The following CADM2 variants were observed in gnomAD, a reference collection of about 807,000 sequenced individuals.
The protein encoded by CADM2 is immunoglobulin superfamily member 4D.
In CADM2, 12 loss-of-function variants were observed where a neutral mutation model predicts 49.8. That is an observed-to-expected ratio of 0.24 (90% CI 0.15 to 0.39). CADM2 has a LOEUF of 0.39. Ranked by LOEUF, CADM2 falls within the 10% of genes least tolerant of loss-of-function variation. The probability of loss-of-function intolerance (pLI) is 1.00; values close to 1 mark genes in which losing one functional copy is unlikely to be tolerated. For missense variants in CADM2, 378 were observed against 492.3 expected (o/e 0.77, Z 2.20); for synonymous variants, 214 against 175.4 (o/e 1.22, Z -1.74).
chr3:85,536,119 A>C (rs1229031355), intron 1 of CADM2, among the ~76,000 whole-genome samples: 1 of 152,052 alleles, frequency 6.6e-6, no homozygotes, highest in African/African-American at 2.4e-5. Context: ...ATGGAAAGGA[A>C]ATAAAGTCAT....
intron 1 of CADM2, among the ~76,000 whole-genome samples, chr3:85,396,257 T>A (rs1340666979): frequency 6.6e-6 from 1 of 151,708 alleles, no homozygotes; most frequent in African/African-American, 2.4e-5. Flanking sequence ...GTGATCTTAG[T>A]TTTTTTCTTG....
At chr3:86,033,742 C>T (rs1734826930) in intron 8 of CADM2, among the ~76,000 whole-genome samples, 1 of 141,960 alleles carries the variant, frequency 7.0e-6, no homozygotes, top group Non-Finnish European at 1.5e-5. Flanking sequence ...GGATCAGAAG[C>T]CCATAAAGAA....
At chr3:85,821,674 G>T (rs1422432563) in intron 3 of CADM2, among the ~76,000 whole-genome samples, 1 of 152,086 alleles carries the variant, frequency 6.6e-6, no homozygotes, top group Non-Finnish European at 1.5e-5. Flanking sequence ...TAGGTGTGGA[G>T]CTGCAATGGT....
intron 8 of CADM2, among the ~76,000 whole-genome samples, chr3:85,970,711 G>A (rs1438106044): frequency 2.0e-5 from 3 of 151,472 alleles, no homozygotes; most frequent in Admixed American, 1.3e-4. Flanking sequence ...TAAAATTAGT[G>A]CCGTGTGCAT....
At chr3:84,993,753 G>C (rs1166350296) in intron 1 of CADM2, among the ~76,000 whole-genome samples, 1 of 152,118 alleles carries the variant, frequency 6.6e-6, no homozygotes, top group African/African-American at 2.4e-5. Flanking sequence ...ATGCTCAGTA[G>C]CCTTAGGGTG....
intron 1 of CADM2, among the ~76,000 whole-genome samples, chr3:85,396,375 G>T (rs971254405): frequency 6.6e-6 from 1 of 151,904 alleles, no homozygotes; most frequent in African/African-American, 2.4e-5. Flanking sequence ...ATGATAAAAT[G>T]ATCATCAACT....
intron 1 of CADM2, among the ~76,000 whole-genome samples, chr3:85,361,475 A>G (rs1314525933): frequency 6.6e-6 from 1 of 152,198 alleles, no homozygotes; most frequent in Non-Finnish European, 1.5e-5. Context: ...TAAATGAGTT[A>G]TCTGATCCAT....
chr3:85,057,480 CATCAT>C (rs2036126962), intron 1 of CADM2, among the ~76,000 whole-genome samples: 1 of 151,976 alleles, frequency 6.6e-6, no homozygotes, highest in Admixed American at 6.6e-5. Context: ...AGTATACTAA[CATCAT>C]ATACTAACTT....
intron 1 of CADM2, among the ~76,000 whole-genome samples, chr3:85,054,153 G>T (rs2035987467): frequency 6.6e-6 from 1 of 151,742 alleles, no homozygotes; most frequent in African/African-American, 2.4e-5. Context: ...AGAGTGCAAG[G>T]ACTTAAAACA....
intron 1 of CADM2, among the ~76,000 whole-genome samples, chr3:85,712,333 T>G (rs911673418): frequency 2.0e-5 from 3 of 152,156 alleles, no homozygotes; most frequent in African/African-American, 7.2e-5. Context: ...TACAGAGTGG[T>G]TTGTTTAGTA....
chr3:85,685,339 G>T (rs141389674), intron 1 of CADM2, among the ~76,000 whole-genome samples: 1 of 152,092 alleles, frequency 6.6e-6, no homozygotes, highest in Admixed American at 6.5e-5. Flanking sequence ...GGATGTAAAA[G>T]CTGTAAATAC....
At chr3:85,889,246 G>T (rs1714097845) in intron 5 of CADM2, among the ~76,000 whole-genome samples, 1 of 152,030 alleles carries the variant, frequency 6.6e-6, no homozygotes, top group Admixed American at 6.6e-5. Context: ...CCATGTTTCT[G>T]GGTAAAAGTC....
At chr3:85,123,816 T>C (rs1342489591) in intron 1 of CADM2, among the ~76,000 whole-genome samples, 1 of 152,204 alleles carries the variant, frequency 6.6e-6, no homozygotes, top group Non-Finnish European at 1.5e-5. Flanking sequence ...TGATTATTTG[T>C]TTGGACATTA....
At chr3:85,269,028 G>T (rs1456702844) in intron 1 of CADM2, among the ~76,000 whole-genome samples, 1 of 151,236 alleles carries the variant, frequency 6.6e-6, no homozygotes, top group African/African-American at 2.4e-5. Flanking sequence ...AAAATCTAGT[G>T]CAGGACCTCA....
intron 1 of CADM2, among the ~76,000 whole-genome samples, chr3:85,047,002 G>A (rs775443777): frequency 4.6e-5 from 7 of 151,902 alleles, no homozygotes; most frequent in Non-Finnish European, 7.4e-5. Flanking sequence ...GACATAAAAG[G>A]TTCTGCAGAT....
intron 1 of CADM2, among the ~76,000 whole-genome samples, chr3:85,350,403 G>C (rs949256042): frequency 3.3e-5 from 5 of 151,940 alleles, no homozygotes; most frequent in Non-Finnish European, 5.9e-5. Context: ...TTGCCATTTT[G>C]CTGTGCATTT....
intron 1 of CADM2, among the ~76,000 whole-genome samples, chr3:85,041,309 A>G (rs1051569993): frequency 5.3e-5 from 8 of 152,090 alleles, no homozygotes; most frequent in African/African-American, 1.9e-4. Context: ...TTAGGCATAT[A>G]TCTATATTTA....
chr3:85,128,946 G>A (rs971198271), intron 1 of CADM2, among the ~76,000 whole-genome samples: 2 of 152,130 alleles, frequency 1.3e-5, no homozygotes, highest in Non-Finnish European at 2.9e-5. Flanking sequence ...CAGATACTGA[G>A]AGTTAAAAAT....
intron 1 of CADM2, among the ~76,000 whole-genome samples, chr3:85,572,267 A>G (rs954655134): frequency 6.6e-6 from 1 of 152,200 alleles, no homozygotes; most frequent in African/African-American, 2.4e-5. Flanking sequence ...AGTCTGGGCG[A>G]CAGAGTAAGA....
Sources: allele counts gnomAD v4.1 joint callset (sites outside exome capture counted in the v4.1 genomes callset), GRCh38; gene constraint gnomAD v4.1.1; transcripts MANE v1.5; gene names NCBI Gene and HGNC (gene_info 2026-07-23, HGNC 2026-07-21).